Variants in GSG1L observed in about 807,000 individuals in gnomAD.
GSG1L encodes the protein germ cell-specific gene 1-like protein.
Under a neutral mutation model 42.1 loss-of-function variants are expected in GSG1L, and 24 were observed. That is an observed-to-expected ratio of 0.57 (90% CI 0.41 to 0.80). GSG1L has a LOEUF of 0.80. Ranked by LOEUF, GSG1L falls within the 30% of genes least tolerant of loss-of-function variation. The pLI is 0.00. For missense variants in GSG1L, 445 were observed against 472.2 expected (o/e 0.94, Z 0.53); for synonymous variants, 215 against 203.5 (o/e 1.06, Z -0.48).
Position 27,828,882 on chromosome 16 carries a change from A to G in GSG1L, c.737T>C (p.Ile246Thr), listed in dbSNP as rs1382320252. The change falls in exon 5 of 7, where the codon ATT (isoleucine) becomes ACT (threonine). Residue 246 changes from isoleucine to threonine, a missense_variant. This residue lies in a region of GSG1L where 140 missense variants were observed against 120.6 expected (regional missense o/e 1.16). Transcript: ENST00000447459. ...GACCTTGCGCTTGTGCCGGAACTCA[A>G]TGACCGTCTTGGTGTAGGAGTTGAG... Reference protein sequence around the residue: ...TTLNSYTKTVIEFRHKRKVFE... With the variant: ...TTLNSYTKTVTEFRHKRKVFE... The G allele has an allele frequency of 1.2e-6, 2 of 1,614,158 alleles. No individual in the cohort carries two copies. Among genetic ancestry groups the G allele is most frequent in the East Asian group, 4.5e-5 (2 of 44,874 alleles).
chr16:27,929,353 C>T (rs1332220536), intron 2 of GSG1L, among the ~76,000 whole-genome samples: 1 of 152,088 alleles, frequency 6.6e-6, no homozygotes, highest in East Asian at 1.9e-4. Context: ...CAGGCTTGGC[C>T]AATCAGAGTT....
chr16:27,797,917 T>C (rs2082838466), intron 6 of GSG1L, among the ~76,000 whole-genome samples: 2 of 149,120 alleles, frequency 1.3e-5, no homozygotes, highest in South Asian at 4.3e-4. Context: ...TTAAGTGAAA[T>C]AACTCAGAAA....
chr16:27,860,245 G>A (rs1596562625), intron 3 of GSG1L, among the ~76,000 whole-genome samples: 1 of 152,216 alleles, frequency 6.6e-6, no homozygotes, highest in Non-Finnish European at 1.5e-5. Flanking sequence ...GCTCAGGTGT[G>A]AAGCCACAGA....
At position 27,865,576 on chromosome 16, in the gene GSG1L, C is replaced by CATATATATAT. The variant is rs1255970043; in HGVS notation, c.550+18909_550+18910insATATATATAT. ...ATATATATATATATATATATATACA[C>CATATATATAT]ACACACATACATACATACACACACA... On this transcript the variant is annotated intron_variant, in intron 3 of 6. Transcript: ENST00000447459. Among the ~76,000 whole-genome samples the CATATATATAT allele has an allele frequency of 3.5e-3, 75 of 21,496 alleles. 3 individuals carry two copies. Among genetic ancestry groups the CATATATATAT allele is most frequent in the African/African-American group, 0.027 (70 of 2,626 alleles). The allele number at this position is 21,496 out of a possible 152,430, so 14.1% of individuals were successfully genotyped here.
At chr16:27,988,739 T>G (rs1450115369) in intron 1 of GSG1L, among the ~76,000 whole-genome samples, 1 of 137,054 alleles carries the variant, frequency 7.3e-6, no homozygotes. Flanking sequence ...ACCTTTTCAG[T>G]CAACTGCAAT....
At chr16:28,011,269 C>T (rs1367962092) in intron 1 of GSG1L, among the ~76,000 whole-genome samples, 1 of 152,220 alleles carries the variant, frequency 6.6e-6, no homozygotes, top group African/African-American at 2.4e-5. Context: ...CTCATGACAG[C>T]CGCCACTGCC....
chr16:27,888,475 TCTCTTTC>T lies in GSG1L; in HGVS notation c.398-3844_398-3838del, dbSNP rs1567505819. Among the ~76,000 whole-genome samples the T allele has an allele frequency of 7.0e-4, 51 of 73,260 alleles. 1 individual carries two copies. The highest frequency in any genetic ancestry group is 9.5e-4 in the Non-Finnish European group (31 of 32,476). The allele number at this position is 73,260 out of a possible 152,430, so 48.1% of individuals were successfully genotyped here. On this transcript the variant is annotated intron_variant, in intron 2 of 6. Transcript: ENST00000447459. ...TTCTTTCTTTCTTTCTCTCTCTCTC[TCTCTTTC>T]CTTTCTTTCTTTCTTTCTTTCTTTC...
intron 1 of GSG1L, among the ~76,000 whole-genome samples, chr16:27,990,558 T>C (rs1339398493): frequency 6.6e-6 from 1 of 152,238 alleles, no homozygotes; most frequent in Non-Finnish European, 1.5e-5. Flanking sequence ...CCTTGTCTTA[T>C]GGTTCCCTTG....
At chr16:27,979,345 C>A (rs528123733) in intron 1 of GSG1L, among the ~76,000 whole-genome samples, 14 of 152,006 alleles carry the variant, frequency 9.2e-5, no homozygotes, top group African/African-American at 3.4e-4. Flanking sequence ...ACGGGTGGAT[C>A]ACCTGAGGTC....
intron 5 of GSG1L, among the ~76,000 whole-genome samples, chr16:27,820,514 C>G (rs1231566399): frequency 6.6e-6 from 1 of 152,046 alleles, no homozygotes; most frequent in African/African-American, 2.4e-5. Context: ...TCACAAGGCT[C>G]CCCCACAGCA....
intron 1 of GSG1L, among the ~76,000 whole-genome samples, chr16:28,002,800 G>A: frequency 6.6e-6 from 1 of 151,978 alleles, no homozygotes; most frequent in East Asian, 1.9e-4. Flanking sequence ...AGCCAGGAGT[G>A]GTGGCGGGCG....
intron 1 of GSG1L, among the ~76,000 whole-genome samples, chr16:28,034,773 C>T (rs1009391235): frequency 1.2e-4 from 18 of 152,322 alleles, no homozygotes; most frequent in Non-Finnish European, 1.6e-4. Flanking sequence ...CATCCAGGGC[C>T]TCTACCCATT....
rs1341255659 is a variant in GSG1L, at chr16:27,789,520, G to T, written c.*1850C>A. On this transcript the variant is annotated 3_prime_UTR_variant, in exon 7 of 7. Coordinates refer to ENST00000447459, the MANE Select transcript of GSG1L (RefSeq NM_001109763.2). ...GATAGTGGATGGAAAGATGATGGAT[G>T]ATGGATGGAAGGATAAATAATGGAT... 1.3e-5 allele frequency: 2 copies of T among 152,036 alleles called. No individual in the cohort carries two copies. Among genetic ancestry groups the T allele is most frequent in the Non-Finnish European group, 2.9e-5 (2 of 67,998 alleles). 9.4% of individuals were successfully genotyped at this position (152,036 alleles called of 1,614,324 possible). A position where few individuals can be genotyped will look rare whatever the true frequency, so the allele number is the denominator to read the frequency against.
Position 27,902,428 on chromosome 16 carries a change from G to A in GSG1L, c.398-17790C>T, listed in dbSNP as rs553091469. On this transcript the variant is annotated intron_variant, in intron 2 of 6. Coordinates refer to ENST00000447459, the MANE Select transcript of GSG1L (RefSeq NM_001109763.2). ...ATTTGTGGGGAGGGAAGCTGATTCC[G>A]CAGAGAGGCCGATGCCAAGGGGGAA... Among the ~76,000 whole-genome samples the A allele has an allele frequency of 5.0e-4, 76 of 152,312 alleles. 1 individual carries two copies. The highest frequency in any genetic ancestry group is 1.3e-3 in the African/African-American group (54 of 41,560).
chr16:27,952,148 C>T (rs1453045693), intron 2 of GSG1L, among the ~76,000 whole-genome samples: 2 of 152,228 alleles, frequency 1.3e-5, no homozygotes, highest in Non-Finnish European at 2.9e-5. Context: ...AAATGGGCCA[C>T]CCACTATCTA....
intron 3 of GSG1L, among the ~76,000 whole-genome samples, chr16:27,853,008 G>A (rs1596557074): frequency 6.6e-6 from 1 of 152,154 alleles, no homozygotes; most frequent in South Asian, 2.1e-4. Flanking sequence ...AGGGACTGGG[G>A]GAAACTAGGA....
chr16:27,815,197 T>C (rs1215074592), intron 5 of GSG1L, among the ~76,000 whole-genome samples: 1 of 152,162 alleles, frequency 6.6e-6, no homozygotes, highest in Admixed American at 6.5e-5. Flanking sequence ...TGATCCCCAA[T>C]GTTGGAGGTG....
At chr16:28,023,443 C>A (rs1337753011) in intron 1 of GSG1L, among the ~76,000 whole-genome samples, 3 of 152,182 alleles carry the variant, frequency 2.0e-5, no homozygotes, top group Non-Finnish European at 1.5e-5. Flanking sequence ...TGTGCACATG[C>A]GTTCATCTTG....
At chr16:27,839,289 A>G (rs545078472) in intron 4 of GSG1L, among the ~76,000 whole-genome samples, 126 of 152,306 alleles carry the variant, frequency 8.3e-4, no homozygotes, top group African/African-American at 2.9e-3. Context: ...GCTGTGTGAC[A>G]TGGGCCAAAC....
Sources: gnomAD v4.1 joint callset for allele counts (sites outside exome capture counted in the v4.1 genomes callset) on GRCh38, gnomAD v4.1.1 for gene constraint, gnomAD v4.1.1 regional missense constraint, MANE v1.5 for transcripts, NCBI Gene and HGNC (gene_info 2026-07-23, HGNC 2026-07-21) for gene names.